Variants in SELENOP observed in about 807,000 individuals in gnomAD.
The protein encoded by SELENOP is selenoprotein P.
Under a neutral mutation model 41.0 loss-of-function variants are expected in SELENOP, and 36 were observed. That is an observed-to-expected ratio of 0.88 (90% CI 0.67 to 1.16). The LOEUF (loss-of-function observed/expected upper bound fraction) is 1.16, where lower values mean the gene tolerates loss of function less well. Ranked by LOEUF, SELENOP falls within the 50% of genes most tolerant of loss-of-function variation. The pLI, the probability that SELENOP is intolerant of heterozygous loss-of-function variation, is 0.00. For synonymous variants in SELENOP, 144 were observed against 150.8 expected (o/e 0.95, Z 0.33); for missense variants, 440 against 454.2 (o/e 0.97, Z 0.28).
intron 1 of SELENOP, among the ~76,000 whole-genome samples, chr5:42,809,318 C>T (rs1008077572): frequency 2.6e-5 from 4 of 152,178 alleles, no homozygotes; most frequent in South Asian, 2.1e-4. Context: ...CTCTGAGCAA[C>T]GAAATTAAAA....
In SELENOP at chr5:42,808,264, T is replaced by C. The variant is rs1395254484; in HGVS notation, c.90A>G (p.Gln30=). 26 of 1,569,502 alleles carry C rather than the reference T, an allele frequency of 1.7e-5. No individual in the cohort carries two copies. The highest frequency in any genetic ancestry group is 2.2e-5 in the Non-Finnish European group (26 of 1,157,454). Residue 30 remains glutamine (Q), a synonymous_variant, in exon 2 of 5, where the codon CAA becomes CAG. Coordinates refer to ENST00000514985, the MANE Select transcript of SELENOP (RefSeq NM_005410.4). ...ESQDQSSLCK[Q]PPAWSIRDQD... ...GATCTCTTATGCTCCAGGCTGGGGG[T>C]TGCTTACATAAGGAGCTTTGGTCCT... is the stretch of plus-strand genomic sequence containing the variant.
chr5:42,808,251 T>C lies in SELENOP; in HGVS notation c.103A>G (p.Ser35Gly), dbSNP rs1452581340. The C allele has an allele frequency of 1.3e-6, 2 of 1,577,264 alleles. No homozygotes were observed. The highest frequency in any genetic ancestry group is 1.7e-6 in the Non-Finnish European group (2 of 1,161,530). ...SSLCKQPPAW[S>G]IRDQDPMLNS... The stretch of plus-strand genomic sequence containing the variant: ...AGCATTGGATCTTGATCTCTTATGC[T>C]CCAGGCTGGGGGTTGCTTACATAAG... The change falls in exon 2 of 5, where the codon AGC becomes GGC. Residue 35 changes from serine to glycine, a missense_variant. Transcript: ENST00000514985.
chr5:42,802,767 C>T (rs566417961), intron 4 of SELENOP, among the ~76,000 whole-genome samples: 11 of 152,252 alleles, frequency 7.2e-5, no homozygotes, highest in South Asian at 4.1e-4. Context: ...CGTGCCACCA[C>T]GCCCAGCTAA....
chr5:42,806,617 G>A (rs1485002671), intron 3 of SELENOP: 4 of 250,292 alleles, frequency 1.6e-5, no homozygotes, highest in Non-Finnish European at 2.3e-5. Flanking sequence ...AAAATCAGGA[G>A]GTGGAAGAGG....
At position 42,808,359 on chromosome 5, in the gene SELENOP, G is replaced by C. The variant is rs1579737685; in HGVS notation, c.-6C>G. 1.5e-6 allele frequency: 2 copies of C among 1,350,492 alleles called. No homozygotes were observed. Among genetic ancestry groups the C allele is most frequent in the African/African-American group, 3.0e-5 (2 of 66,644 alleles). The allele number at this position is 1,350,492 out of a possible 1,614,324, so 83.7% of individuals were successfully genotyped here. ...AGCCCCAGGCTTCTCCACATTGCTGGGGTTGTCCTGTAAAAGAGAAAACCT... is the reference window on the plus strand; with the variant it reads ...AGCCCCAGGCTTCTCCACATTGCTGCGGTTGTCCTGTAAAAGAGAAAACCT... On this transcript the variant is annotated 5_prime_UTR_variant, in exon 2 of 5. Coordinates refer to ENST00000514985, the MANE Select transcript of SELENOP (RefSeq NM_005410.4).
chr5:42,808,204 A>G lies in SELENOP; in HGVS notation c.150T>C (p.Thr50=). 6 of 1,579,610 alleles carry G rather than the reference A, an allele frequency of 3.8e-6. No individual in the cohort carries two copies. Among genetic ancestry groups the G allele is most frequent in the Non-Finnish European group, 5.2e-6 (6 of 1,163,784 alleles). ...DPMLNSNGSV[T]VVALLQASUY... is the part of the protein sequence containing the mutation. ...AGCTGGCTTGAAGAAGAGCAACCAC[A>G]GTCACTGAACCATTGGAGTTTAGCA... Residue 50 remains threonine, a synonymous_variant, in exon 2 of 5, where the codon ACT becomes ACC. Coordinates refer to ENST00000514985, the MANE Select transcript of SELENOP (RefSeq NM_005410.4).
At chr5:42,805,473 T>G (rs1252222517) in intron 3 of SELENOP, 1 of 152,040 alleles carries the variant, frequency 6.6e-6, no homozygotes, top group Non-Finnish European at 1.5e-5. Flanking sequence ...CTCACCAGAC[T>G]CCGGAGAGTC....
At position 42,808,227 on chromosome 5, in the gene SELENOP, G is replaced by T; in HGVS notation, c.127C>A (p.Leu43Ile). The T allele has an allele frequency of 6.3e-7, 1 of 1,585,960 alleles. No homozygotes were observed. The change falls in exon 2 of 5, where the codon CTA (leucine) becomes ATA (isoleucine). Residue 43 changes from leucine (L) to isoleucine (I), a missense_variant. Coordinates refer to ENST00000514985, the MANE Select transcript of SELENOP (RefSeq NM_005410.4). ...ACAGTCACTGAACCATTGGAGTTTA[G>T]CATTGGATCTTGATCTCTTATGCTC... ...AWSIRDQDPM[L>I]NSNGSVTVVA...
chr5:42,808,404 A>AGG, intron 1 of SELENOP, 38 bp from the exon 2 acceptor site: 1 of 762,450 alleles, frequency 1.3e-6, no homozygotes, highest in Non-Finnish European at 1.9e-6. Flanking sequence ...CTTCATAGTT[A>AGG]ACTTCACAGT....
At chr5:42,802,960 A>AT (rs28919914) in intron 4 of SELENOP, among the ~76,000 whole-genome samples, 39,445 of 152,136 alleles carry the variant, frequency 0.26, 5,702 homozygotes, top group Admixed American at 0.38. Flanking sequence ...TATGTGATGC[A>AT]TATTTCTTTA....
In SELENOP at chr5:42,808,143, T is replaced by A; in HGVS notation, c.203+8A>T. The A allele has an allele frequency of 7.0e-7, 1 of 1,438,148 alleles. No homozygotes were observed. The highest frequency in any genetic ancestry group is 2.5e-5 in the East Asian group (1 of 39,248). 89.1% of individuals were successfully genotyped at this position (1,438,148 alleles called of 1,614,324 possible). On this transcript the variant is annotated splice_region_variant and intron_variant, in intron 2 of 4. Coordinates refer to ENST00000514985, the MANE Select transcript of SELENOP (RefSeq NM_005410.4). ...AAGGTATTTTAAGCCACAGAAAGAC[T>A]GTCTTACTTAGATGCCTGCAGTATG...
chr5:42,807,209 CTTATTT>C, intron 2 of SELENOP, 101 bp from the exon 3 acceptor site: 1 of 617,804 alleles, frequency 1.6e-6, no homozygotes, highest in Non-Finnish European at 2.8e-6. Flanking sequence ...AACTCTCCTT[CTTATTT>C]TTAACTAACC....
At chr5:42,802,505 AC>A (rs1760230083) in intron 4 of SELENOP, 1 of 152,254 alleles carries the variant, frequency 6.6e-6, no homozygotes, top group African/African-American at 2.4e-5. Context: ...ATGTTTGCTT[AC>A]AAACTTATAA....
intron 4 of SELENOP, among the ~76,000 whole-genome samples, chr5:42,803,872 G>T (rs957098447): frequency 1.3e-5 from 2 of 152,176 alleles, no homozygotes; most frequent in African/African-American, 4.8e-5. Context: ...AGATGGGCAG[G>T]CAGTGGAAGG....
At position 42,800,658 on chromosome 5, in the gene SELENOP, A is replaced by T. The variant is rs1156500172; in HGVS notation, c.*62T>A. ...TTGGTTCACTAATTTGGTAGTTTAT[A>T]AAAATGCTGGAAATGAAATTGTGTC... On this transcript the variant is annotated 3_prime_UTR_variant, in exon 5 of 5. Transcript: ENST00000514985. The T allele has an allele frequency of 6.7e-7, 1 of 1,502,744 alleles. No homozygotes were observed. Among genetic ancestry groups the T allele is most frequent in the African/African-American group, 1.4e-5 (1 of 71,570 alleles). The allele number at this position is 1,502,744 out of a possible 1,614,324, so 93.1% of individuals were successfully genotyped here.
chr5:42,803,798 G>A (rs1760264252), intron 4 of SELENOP, among the ~76,000 whole-genome samples: 1 of 152,114 alleles, frequency 6.6e-6, no homozygotes, highest in African/African-American at 2.4e-5. Flanking sequence ...TTTCATGGTT[G>A]TTAGGAAATA....
At position 42,806,949 on chromosome 5, in the gene SELENOP, T is replaced by A; in HGVS notation, c.363A>T (p.Thr121=). Residue 121 remains threonine (T), a synonymous_variant, in exon 3 of 5, where the codon ACA becomes ACT. Coordinates refer to ENST00000514985, the MANE Select transcript of SELENOP (RefSeq NM_005410.4). ...TTCCATTTAAAAGAGTCCAGACATC[T>A]GTTTGGTTTTCTTCTTGTTGATAAA... ...IPVYQQEENQ[T]DVWTLLNGSK... is the part of the protein sequence containing the mutation. 6.2e-7 allele frequency: 1 copy of A among 1,612,394 alleles called. No homozygotes were observed. Among genetic ancestry groups the A allele is most frequent in the Non-Finnish European group, 8.5e-7 (1 of 1,178,950 alleles).
At chr5:42,802,506 C>T (rs1397941916) in intron 4 of SELENOP, 2 of 152,164 alleles carry the variant, frequency 1.3e-5, no homozygotes, top group African/African-American at 4.8e-5. Context: ...TGTTTGCTTA[C>T]AAACTTATAA....
In SELENOP at chr5:42,800,757, T is replaced by A. The variant is rs777978802; in HGVS notation, c.1109A>T (p.Lys370Met). Residue 370 changes from lysine to methionine, a missense_variant, in exon 5 of 5, where the codon AAG becomes ATG. By Grantham distance (95) the Lys-to-Met change is moderately conservative. Transcript: ENST00000514985. ...PTEASASURUKNQAKKUEUPS... is the reference protein window; with the variant it reads ...PTEASASURUMNQAKKUEUPS... ...TCATTCTCACTTTTTTGCCTGATTC[T>A]TTCAGCGTCAACTGGCACTGGCTTC... 1.2e-6 allele frequency: 2 copies of A among 1,610,964 alleles called. No individual in the cohort carries two copies. The highest frequency in any genetic ancestry group is 1.3e-5 in the African/African-American group (1 of 74,862).
Sources: allele counts gnomAD v4.1 joint callset (sites outside exome capture counted in the v4.1 genomes callset), GRCh38; gene constraint gnomAD v4.1.1; transcripts MANE v1.5; gene names NCBI Gene and HGNC (gene_info 2026-07-23, HGNC 2026-07-21).